Variants in MYBPC3 observed in about 807,000 individuals in gnomAD.
MYBPC3 encodes the protein myosin-binding protein C, cardiac-type.
A neutral mutation model predicts 159.3 loss-of-function variants in MYBPC3; 108 were observed. That is an observed-to-expected ratio of 0.68 (90% CI 0.58 to 0.80). MYBPC3 has a LOEUF of 0.80. Ranked by LOEUF, MYBPC3 falls within the 30% of genes least tolerant of loss-of-function variation. The pLI is 0.00. For missense variants in MYBPC3, 1,631 were observed against 1,762.1 expected (o/e 0.93, Z 1.33); for synonymous variants, 730 against 702.0 (o/e 1.04, Z -0.63).
chr11:47,335,852 G>T, intron 26 of MYBPC3, 25 bp downstream of exon 26: 1 of 1,435,204 alleles, frequency 7.0e-7, no homozygotes, highest in Non-Finnish European at 9.2e-7. Context: ...CTTTGGGGAG[G>T]GGGGTTGGGG....
rs572329333 is a variant in MYBPC3 at position 47,338,169 on chromosome 11, C to T, written c.2308+351G>A. Among the ~76,000 whole-genome samples, 1 of 152,044 alleles carries T rather than the reference C, an allele frequency of 6.6e-6. No individual in the cohort carries two copies. The highest frequency in any genetic ancestry group is 1.5e-5 in the Non-Finnish European group (1 of 68,014). On this transcript the variant is annotated intron_variant, in intron 23 of 34. Transcript: ENST00000545968. This position sits in a 1 kb window ranked among gnomAD's most constrained non-coding sequence, Gnocchi z 4.7. ...TTCTCCACACCCAAAAGGCCCTTTC[C>T]CTCCTCCACCCCTTTGTACACAGTT...
chr11:47,350,672 C>G (rs1356576438), intron 2 of MYBPC3, 57 bp from the exon 3 acceptor site: 4 of 1,418,096 alleles, frequency 2.8e-6, no homozygotes, highest in African/African-American at 3.0e-5. Flanking sequence ...CCCCTCCACC[C>G]TCTCTCTCCT....
intron 26 of MYBPC3, 51 bp from the exon 27 acceptor site, chr11:47,335,260 C>A: frequency 2.1e-6 from 3 of 1,431,038 alleles, no homozygotes; most frequent in South Asian, 1.4e-5. Context: ...ACCACTGACA[C>A]CCCACTCCCA....
chr11:47,335,245 G>A (rs919357739), intron 26 of MYBPC3, 36 bp from the exon 27 acceptor site: 85 of 1,517,968 alleles, frequency 5.6e-5, no homozygotes, highest in Non-Finnish European at 7.1e-5. Flanking sequence ...GCCACAGGCT[G>A]TGTCACCACT....
Position 47,331,876 on chromosome 11 carries a change from G to T in MYBPC3, c.3820C>A (p.Gln1274Lys). Residue 1274 changes from glutamine to lysine, a missense_variant, in exon 34 of 35, where the codon CAG becomes AAG. Physicochemically the swap from Gln to Lys is moderately conservative, Grantham distance 53. Transcript: ENST00000545968. ...CECRLEVRVP[Q>K] ...ATCCCCAGGAGCCAGCCTGGTCACT[G>T]AGGCACTGCAGAAGAGGAGGCCATG... The T allele has an allele frequency of 6.2e-7, 1 of 1,610,388 alleles. No homozygotes were observed.
intron 27 of MYBPC3, 36 bp from the exon 28 acceptor site, chr11:47,334,046 G>T: frequency 6.5e-7 from 1 of 1,539,482 alleles, no homozygotes; most frequent in Non-Finnish European, 8.8e-7. Context: ...GTGAGGGCCC[G>T]CCACAGCTCT....
intron 25 of MYBPC3, among the ~76,000 whole-genome samples, chr11:47,336,991 A>G (rs973247072): frequency 6.6e-6 from 1 of 152,222 alleles, no homozygotes; most frequent in African/African-American, 2.4e-5. Flanking sequence ...CCTGGGTTGA[A>G]GGGTGTGGAG....
rs553570882 is a variant in MYBPC3, at chr11:47,338,323, G to A, written c.2308+197C>T. On this transcript the variant is annotated intron_variant, in intron 23 of 34. Transcript: ENST00000545968. The surrounding 1 kb of genome is among the most constrained non-coding windows in gnomAD (Gnocchi z 4.7). ...GACATGGCTCATGTACAGCAGTGTCGCAGGAAATCTGCTGGATGCATCTGC... is the reference window on the plus strand; with the variant it reads ...GACATGGCTCATGTACAGCAGTGTCACAGGAAATCTGCTGGATGCATCTGC... 2.6e-5 allele frequency among the ~76,000 whole-genome samples: 4 copies of A among 152,168 alleles called. No individual in the cohort carries two copies. The South Asian group carries it at 8.3e-4, about 32-fold the overall frequency.
At chr11:47,350,372 A>G (rs2095899411) in intron 3 of MYBPC3, 130 bp downstream of exon 3, 12 of 1,445,580 alleles carry the variant, frequency 8.3e-6, no homozygotes, top group Non-Finnish European at 1.0e-5. Context: ...TGATCCGCCC[A>G]CCTCGGCCTC....
At position 47,333,163 on chromosome 11, in the gene MYBPC3, T is replaced by G. The variant is rs1405347655; in HGVS notation, c.3330+31A>C. 4 of 1,591,474 alleles carry G rather than the reference T, an allele frequency of 2.5e-6. 1 individual carries two copies. In the Admixed American group the frequency reaches 6.9e-5, roughly 28 times the overall value. ...CTGGGTCTGCCGGGCCTAGGCAGGG[T>G]GCACGTGGGGACCCCAGACCCTGGG... On this transcript the variant is annotated intron_variant, in intron 30 of 34. Coordinates refer to ENST00000545968, the MANE Select transcript of MYBPC3 (RefSeq NM_000256.3).
At chr11:47,343,352 A>T in intron 13 of MYBPC3, 90 bp from the exon 14 acceptor site, 1 of 1,490,500 alleles carries the variant, frequency 6.7e-7, no homozygotes, top group Non-Finnish European at 8.9e-7. Context: ...CGGCAGGAGC[A>T]AAAGGATGGG....
chr11:47,336,999 G>T (rs535318191), intron 25 of MYBPC3, among the ~76,000 whole-genome samples: 7 of 152,242 alleles, frequency 4.6e-5, no homozygotes, highest in African/African-American at 1.4e-4. Flanking sequence ...GAAGGGTGTG[G>T]AGAACAGGGG....
At chr11:47,335,596 G>C (rs1403092552) in intron 26 of MYBPC3, 3 of 337,464 alleles carry the variant, frequency 8.9e-6, no homozygotes, top group Non-Finnish European at 1.6e-5. Flanking sequence ...CAAAGTGCTG[G>C]GATTACAGGC....
At position 47,346,295 on chromosome 11, in the gene MYBPC3, C is replaced by T; in HGVS notation, c.1002G>A (p.Glu334=). The T allele has an allele frequency of 1.2e-6, 2 of 1,613,524 alleles. No homozygotes were observed. The highest frequency in any genetic ancestry group is 1.7e-6 in the Non-Finnish European group (2 of 1,179,676). Residue 334 remains glutamate (E), a synonymous_variant, in exon 12 of 35, where the codon GAG becomes GAA. Coordinates refer to ENST00000545968, the MANE Select transcript of MYBPC3 (RefSeq NM_000256.3). This position sits in a 1 kb window ranked among gnomAD's most constrained non-coding sequence, Gnocchi z 5.3. The part of the protein sequence containing the change: ...ILRQAPPSEY[E]RIAFQYGVTD... The stretch of plus-strand genomic sequence containing the variant: ...TGACGCCGTACTGGAAGGCGATGCG[C>T]TCGTACTCAGATGGGGGTGCCTGCC...
chr11:47,347,995 C>T (rs546397241), intron 6 of MYBPC3, 90 bp from the exon 7 acceptor site: 2 of 1,249,964 alleles, frequency 1.6e-6, no homozygotes, highest in Non-Finnish European at 2.3e-6. Flanking sequence ...TGAGTATTCA[C>T]AGACTTGCCC....
chr11:47,333,559 A>G lies in MYBPC3; in HGVS notation c.3188T>C (p.Val1063Ala), dbSNP rs988454775. Residue 1063 changes from valine (V) to alanine (A), a missense_variant and splice_region_variant, in exon 29 of 35, where the codon GTT becomes GCT. Val to Ala is a moderately conservative substitution (Grantham distance 64). Coordinates refer to ENST00000545968, the MANE Select transcript of MYBPC3 (RefSeq NM_000256.3). ...TCAAGGAGGCCTTGGCCACGCACCA[A>G]CAACCTGCAGCACCAGCGTGGCCTT... ...EDKATLVLQV[V>A]DKPSPPQDLR... The G allele has an allele frequency of 5.0e-6, 8 of 1,600,050 alleles. No homozygotes were observed. Among genetic ancestry groups the G allele is most frequent in the Non-Finnish European group, 5.1e-6 (6 of 1,179,766 alleles).
In MYBPC3 at chr11:47,340,995, A is replaced by T; in HGVS notation, c.1927+8T>A. Reference sequence around the variant, plus strand: ...GCAGAACCAAGACTCAGGGGCCCCAAGACTTACCCTGCCTGGGTACGAAGT... The same window carrying T: ...GCAGAACCAAGACTCAGGGGCCCCATGACTTACCCTGCCTGGGTACGAAGT... On this transcript the variant is annotated splice_region_variant and intron_variant, in intron 20 of 34. Coordinates refer to ENST00000545968, the MANE Select transcript of MYBPC3 (RefSeq NM_000256.3). 6.4e-7 allele frequency: 1 copy of T among 1,560,528 alleles called. No individual in the cohort carries two copies. Among genetic ancestry groups the T allele is most frequent in the South Asian group, 1.2e-5 (1 of 83,400 alleles).
intron 27 of MYBPC3, among the ~76,000 whole-genome samples, chr11:47,334,723 T>A (rs752782892): frequency 2.6e-5 from 4 of 152,074 alleles, no homozygotes; most frequent in Non-Finnish European, 5.9e-5. Flanking sequence ...CCACCACACC[T>A]GGCTAGTTTT....
intron 3 of MYBPC3, 78 bp downstream of exon 3, chr11:47,350,424 C>A: frequency 6.6e-7 from 1 of 1,523,292 alleles, no homozygotes; most frequent in East Asian, 2.5e-5. Flanking sequence ...CCGCACCTGG[C>A]CCAGCAAAGG....
Sources: gnomAD v4.1 joint callset for allele counts (sites outside exome capture counted in the v4.1 genomes callset) on GRCh38, gnomAD v4.1.1 for gene constraint, Gnocchi (gnomAD v3.1) non-coding constraint, MANE v1.5 for transcripts, NCBI Gene and HGNC (gene_info 2026-07-23, HGNC 2026-07-21) for gene names.